The following PPP2R3B variants were observed in gnomAD, a reference collection of about 807,000 sequenced individuals.
PPP2R3B encodes the protein protein phosphatase 2 regulatory subunit B''beta.
A neutral mutation model predicts 72.9 loss-of-function variants in PPP2R3B; 68 were observed. The ratio of observed to expected loss-of-function variants is 0.93; its 90% CI spans 0.77 to 1.14. The LOEUF (loss-of-function observed/expected upper bound fraction) is 1.14, where lower values mean the gene tolerates loss of function less well. PPP2R3B is among the 50% of genes most tolerant of loss of function. The pLI is 0.00. For synonymous variants in PPP2R3B, 466 were observed against 375.8 expected (o/e 1.24, Z -2.78); for missense variants, 1,018 against 842.0 (o/e 1.21, Z -2.59).
At chrX:341,071 G>A in intron 9 of PPP2R3B, 131 bp from the exon 10 acceptor site, 1 of 1,328,652 alleles carries the variant, frequency 7.5e-7, no homozygotes, top group Non-Finnish European at 1.0e-6. Flanking sequence ...GGGCGTGCAG[G>A]CATCCCCTGC....
intron 1 of PPP2R3B, among the ~76,000 whole-genome samples, chrX:383,500 G>A (rs939915668): frequency 3.3e-5 from 5 of 152,050 alleles, no homozygotes; most frequent in Non-Finnish European, 5.9e-5. Flanking sequence ...ATGTTTTATC[G>A]CTTTAAACTG....
intron 1 of PPP2R3B, among the ~76,000 whole-genome samples, chrX:376,132 A>G (rs1297513001): frequency 1.3e-5 from 2 of 151,834 alleles, no homozygotes; most frequent in Admixed American, 1.3e-4. Context: ...CAGAGGTTGC[A>G]GTGAGCCGAG....
At chrX:350,353 C>A (rs1022098776) in intron 2 of PPP2R3B, among the ~76,000 whole-genome samples, 1 of 152,326 alleles carries the variant, frequency 6.6e-6, no homozygotes, top group South Asian at 2.1e-4. Flanking sequence ...ACGGGCCACA[C>A]GTGCGCTCCC....
At chrX:341,457 G>A (rs1238667366) in intron 8 of PPP2R3B, 61 bp from the exon 9 acceptor site, 5 of 1,567,718 alleles carry the variant, frequency 3.2e-6, no homozygotes, top group South Asian at 1.1e-5. Context: ...TCACAGGAAC[G>A]GAGCCCCTGT....
At position 386,752 on chromosome X, in the gene PPP2R3B, C is replaced by T; in HGVS notation, c.-61G>A. On this transcript the variant is annotated 5_prime_UTR_variant, in exon 1 of 13. Coordinates refer to ENST00000390665, the MANE Select transcript of PPP2R3B (RefSeq NM_013239.5). ...GCGCCCCGCCCCGCCCCGGGGGCTT[C>T]GGTCCGCCCCGGACCGACCTCGGTG... 1 of 1,098,838 alleles carries T rather than the reference C, an allele frequency of 9.1e-7. No individual in the cohort carries two copies. 68.1% of individuals were successfully genotyped at this position (1,098,838 alleles called of 1,614,324 possible).
chrX:336,227 G>A (rs966362791), intron 12 of PPP2R3B: 19 of 152,256 alleles, frequency 1.2e-4, no homozygotes, highest in African/African-American at 4.3e-4. Flanking sequence ...AATATGTGAG[G>A]ATAACACATG....
rs56157396 is a variant in PPP2R3B, at chrX:345,314, G to C, written c.1036+202C>G. On this transcript the variant is annotated intron_variant, in intron 7 of 12. Transcript: ENST00000390665. ...CCCCCAGGCAGAGGCCTCGGGCAGA[G>C]GCGCACGCGGGGACCCAGACACGGG... The C allele has an allele frequency of 6.6e-3, 5,158 of 779,150 alleles. 192 individuals are homozygous for C. In the African/African-American group the frequency reaches 0.077, roughly 12 times the overall value. The allele number at this position is 779,150 out of a possible 1,614,324, so 48.3% of individuals were successfully genotyped here. A position where few individuals can be genotyped will look rare whatever the true frequency, so the allele number is the denominator to read the frequency against.
intron 1 of PPP2R3B, among the ~76,000 whole-genome samples, chrX:384,018 T>C (rs1190171286): frequency 1.9e-4 from 29 of 151,990 alleles, no homozygotes. Flanking sequence ...GAACAGACTC[T>C]GTGGCAAACA....
At chrX:363,316 A>G (rs1449278024) in intron 1 of PPP2R3B, among the ~76,000 whole-genome samples, 2 of 148,802 alleles carry the variant, frequency 1.3e-5, no homozygotes, top group Non-Finnish European at 3.0e-5. Context: ...CGAGCCCACC[A>G]TCCCACAGTG....
chrX:353,786 G>A (rs2071377688), intron 2 of PPP2R3B, among the ~76,000 whole-genome samples: 1 of 152,012 alleles, frequency 6.6e-6, no homozygotes, highest in Non-Finnish European at 1.5e-5. Flanking sequence ...AAAGACCGGG[G>A]CTCACCCAAA....
At chrX:341,665 C>T in intron 8 of PPP2R3B, 1 of 662,148 alleles carries the variant, frequency 1.5e-6, no homozygotes. Flanking sequence ...GACCTGGGGC[C>T]TGGGCCACCC....
chrX:384,378 T>C (rs73613899), intron 1 of PPP2R3B, among the ~76,000 whole-genome samples: 3,408 of 150,524 alleles, frequency 0.023, 134 homozygotes, highest in African/African-American at 0.079. Flanking sequence ...CTCACAGTAA[T>C]CTCCGACTCC....
At chrX:339,090 C>A (rs759151589) in intron 10 of PPP2R3B, among the ~76,000 whole-genome samples, 194 bp from the exon 11 acceptor site, 1 of 151,920 alleles carries the variant, frequency 6.6e-6, no homozygotes, top group Non-Finnish European at 1.5e-5. Context: ...CGTGGGAGGC[C>A]GTGATGCGGA....
Position 386,714 on chromosome X carries a change from C to T in PPP2R3B, c.-23G>A, listed in dbSNP as rs1245564170. 6.5e-6 allele frequency: 8 copies of T among 1,230,680 alleles called. No individual in the cohort carries two copies. In the South Asian group the frequency reaches 1.0e-4, roughly 16 times the overall value. 76.2% of individuals were successfully genotyped at this position (1,230,680 alleles called of 1,614,324 possible). On this transcript the variant is annotated 5_prime_UTR_variant, in exon 1 of 13. Transcript: ENST00000390665. Reference sequence around the variant, plus strand: ...CATGGCGGGGGCTGGGCCCGCGGCGCCCCCGGACGCCCGCGCCCCGCCCCG... The same window carrying T: ...CATGGCGGGGGCTGGGCCCGCGGCGTCCCCGGACGCCCGCGCCCCGCCCCG...
intron 5 of PPP2R3B, 49 bp from the exon 6 acceptor site, chrX:346,309 C>T: frequency 3.9e-6 from 6 of 1,520,628 alleles, no homozygotes; most frequent in Non-Finnish European, 5.3e-6. Flanking sequence ...CCCCAGGAGC[C>T]TCGCCCCGCA....
intron 10 of PPP2R3B, among the ~76,000 whole-genome samples, chrX:340,283 G>A (rs1276245040): frequency 2.0e-5 from 3 of 146,850 alleles, no homozygotes; most frequent in Non-Finnish European, 4.5e-5. Context: ...CAGTGCCAAC[G>A]TCCCCGGTGA....
At chrX:378,792 G>A (rs1269591340) in intron 1 of PPP2R3B, among the ~76,000 whole-genome samples, 1 of 152,232 alleles carries the variant, frequency 6.6e-6, no homozygotes, top group South Asian at 2.1e-4. Context: ...GACTCTCATC[G>A]GTGCCCACTA....
At position 359,889 on chromosome X, in the gene PPP2R3B, G is replaced by C. The variant is rs143523414; in HGVS notation, c.510+1516C>G. On this transcript the variant is annotated intron_variant, in intron 2 of 12. Coordinates refer to ENST00000390665, the MANE Select transcript of PPP2R3B (RefSeq NM_013239.5). ...ACAGGGACAGAACCTGGACTTACCTGAATGTGTCTAGTTTGTTAGTGCTCA... is the reference window on the plus strand; with the variant it reads ...ACAGGGACAGAACCTGGACTTACCTCAATGTGTCTAGTTTGTTAGTGCTCA... The C allele has an allele frequency of 1.7e-3, 849 of 503,330 alleles. 9 individuals are homozygous for C. The highest frequency in any genetic ancestry group is 0.015 in the African/African-American group (746 of 51,088). The allele number at this position is 503,330 out of a possible 1,614,324, so 31.2% of individuals were successfully genotyped here.
chrX:356,834 G>A (rs866267762), intron 2 of PPP2R3B, among the ~76,000 whole-genome samples: 2,743 of 83,184 alleles, frequency 0.033, 107 homozygotes, highest in African/African-American at 0.076. Context: ...GGAGCCCCAC[G>A]GTAACCACGC....
Sources: gnomAD v4.1 joint callset for allele counts (sites outside exome capture counted in the v4.1 genomes callset) on GRCh38, gnomAD v4.1.1 for gene constraint, MANE v1.5 for transcripts, NCBI Gene and HGNC (gene_info 2026-07-23, HGNC 2026-07-21) for gene names.